The following FBXL13 variants were observed in gnomAD, a reference collection of about 807,000 sequenced individuals.
The protein encoded by FBXL13 is F-box and leucine-rich repeat protein 13.
FBXL13 carries 67 observed loss-of-function variants against 83.6 expected under a neutral mutation model. The observed-to-expected ratio is 0.80, with a 90% CI of 0.66 to 0.98. FBXL13 has a LOEUF of 0.98. FBXL13 is among the 50% of genes least tolerant of loss of function. The pLI is 0.00. For missense variants in FBXL13, 822 were observed against 866.5 expected, an observed-to-expected ratio of 0.95 and a Z score of 0.64; for synonymous variants, 272 against 299.5, an observed-to-expected ratio of 0.91 and a Z score of 0.95.
intron 11 of FBXL13, among the ~76,000 whole-genome samples, chr7:102,905,649 C>T (rs570886373): frequency 2.6e-5 from 4 of 152,154 alleles, no homozygotes; most frequent in Admixed American, 6.5e-5. Context: ...CTTATTCCTG[C>T]TATTTTGTTA....
intron 8 of FBXL13, chr7:102,939,498 A>T: frequency 6.2e-7 from 1 of 1,614,076 alleles, no homozygotes; most frequent in Non-Finnish European, 8.5e-7. Context: ...CAATAAAATC[A>T]ACCAACTTCG....
chr7:102,894,128 T>C (rs1348170844), intron 11 of FBXL13, among the ~76,000 whole-genome samples: 1 of 152,200 alleles, frequency 6.6e-6, no homozygotes, highest in Non-Finnish European at 1.5e-5. Context: ...CCTGTGTGGC[T>C]TTCTCCAACC....
At position 102,973,976 on chromosome 7, in the gene FBXL13, C is replaced by T. The variant is rs75981625; in HGVS notation, c.496-5859G>A. ...CAGCGGTGACGATCGCTCCTTTCAT[C>T]GTCTCCCTCCACCATCCAGGATGGT... On this transcript the variant is annotated intron_variant, in intron 6 of 19. Transcript: ENST00000313221. Among the ~76,000 whole-genome samples the T allele has an allele frequency of 2.0e-3, 298 of 152,298 alleles. 8 individuals are homozygous for T. The East Asian group carries it at 0.043, about 22-fold the overall frequency.
At chr7:103,022,513 A>C (rs1258491930) in intron 6 of FBXL13, among the ~76,000 whole-genome samples, 1 of 152,182 alleles carries the variant, frequency 6.6e-6, no homozygotes, top group African/African-American at 2.4e-5. Context: ...AATGGAACAG[A>C]ATAAAGAGCC....
rs189318846 is a variant in FBXL13 at position 103,032,802 on chromosome 7, G to A, written c.1-3384C>T. 1.4e-3 allele frequency among the ~76,000 whole-genome samples: 212 copies of A among 152,324 alleles called. 1 individual carries two copies. The highest frequency in any genetic ancestry group is 1.1e-3 in the Non-Finnish European group (77 of 68,024). On this transcript the variant is annotated intron_variant, in intron 2 of 19. Transcript: ENST00000313221. Reference sequence around the variant, plus strand: ...CCCAAAACGTTGGATGGCTGAGGTGGGAGGATCCCTCGAGCTCACGACTTA... The same window carrying A: ...CCCAAAACGTTGGATGGCTGAGGTGAGAGGATCCCTCGAGCTCACGACTTA...
intron 1 of FBXL13, among the ~76,000 whole-genome samples, chr7:103,060,020 T>TTATATATATATATATA (rs772728840): frequency 2.0e-4 from 10 of 50,074 alleles, no homozygotes; most frequent in East Asian, 1.2e-3. Flanking sequence ...GCAAGATATT[T>TTATATATATATATATA]TATATATATA....
At chr7:102,981,587 G>A (rs756094175) in intron 6 of FBXL13, among the ~76,000 whole-genome samples, 14 of 152,162 alleles carry the variant, frequency 9.2e-5, no homozygotes, top group Non-Finnish European at 2.1e-4. Context: ...TAAACAAGAG[G>A]ATTTTATTTC....
intron 2 of FBXL13, chr7:103,031,115 C>T (rs1278397589): frequency 1.3e-5 from 2 of 152,168 alleles, no homozygotes; most frequent in Admixed American, 6.5e-5. Flanking sequence ...AGGACTCCAG[C>T]CCAGTAATGC....
intron 6 of FBXL13, among the ~76,000 whole-genome samples, chr7:102,995,342 G>A (rs1387919256): frequency 6.6e-6 from 1 of 151,748 alleles, no homozygotes; most frequent in Non-Finnish European, 1.5e-5. Context: ...TTAGCTGGGC[G>A]TGGTGGTGGG....
At chr7:103,070,253 A>G (rs560792280) in intron 1 of FBXL13, among the ~76,000 whole-genome samples, 1 of 152,096 alleles carries the variant, frequency 6.6e-6, no homozygotes, top group South Asian at 2.1e-4. Flanking sequence ...TTTTTTAGAG[A>G]CACAGTCTCA....
chr7:102,925,366 G>C (rs1280917361), intron 10 of FBXL13, among the ~76,000 whole-genome samples: 1 of 152,220 alleles, frequency 6.6e-6, no homozygotes, highest in Non-Finnish European at 1.5e-5. Flanking sequence ...TTGCATTGCA[G>C]CCTGGGTGAC....
At chr7:102,836,784 A>G (rs896011717) in intron 17 of FBXL13, among the ~76,000 whole-genome samples, 5 of 151,878 alleles carry the variant, frequency 3.3e-5, no homozygotes, top group African/African-American at 7.2e-5. Context: ...TTTCACTCAC[A>G]TTTATTGACT....
intron 6 of FBXL13, among the ~76,000 whole-genome samples, chr7:102,990,476 C>T (rs559604955): frequency 2.6e-5 from 4 of 152,208 alleles, no homozygotes; most frequent in South Asian, 4.1e-4. Flanking sequence ...ATTTTTCATT[C>T]GATCATTCAA....
chr7:102,852,342 A>T (rs138689994), intron 17 of FBXL13, among the ~76,000 whole-genome samples: 2 of 152,150 alleles, frequency 1.3e-5, no homozygotes, highest in Non-Finnish European at 2.9e-5. Context: ...ATTTGTACTT[A>T]ATTAAACTAA....
rs759062305 is a variant in FBXL13 at position 103,025,207 on chromosome 7, C to T, written c.351G>A (p.Leu117=). ...GTATTAACCTATTTTTCCATTTTTT[C>T]AATTGAAGTTCATGTTTTAATATCT... Residue 117 remains leucine (L), a synonymous_variant, in exon 6 of 20, where the codon TTG becomes TTA. Coordinates refer to ENST00000313221, the Ensembl canonical transcript of FBXL13. 1.1e-5 allele frequency: 18 copies of T among 1,579,914 alleles called. No individual in the cohort carries two copies. In the Admixed American group the frequency reaches 3.2e-4, roughly 28 times the overall value.
At chr7:103,025,682 CTG>C (rs1793817211) in intron 5 of FBXL13, among the ~76,000 whole-genome samples, 2 of 152,110 alleles carry the variant, frequency 1.3e-5, no homozygotes, top group Admixed American at 1.3e-4. Context: ...CTTCTGAAAA[CTG>C]TGTAATAAAT....
At chr7:103,073,540 A>G (rs1799246655) in intron 1 of FBXL13, among the ~76,000 whole-genome samples, 2 of 152,136 alleles carry the variant, frequency 1.3e-5, no homozygotes, top group Admixed American at 1.3e-4. Context: ...CTTAGTAGGT[A>G]CAGATATACT....
intron 2 of FBXL13, among the ~76,000 whole-genome samples, chr7:103,040,858 T>C (rs1795602630): frequency 6.6e-6 from 1 of 152,136 alleles, no homozygotes; most frequent in East Asian, 1.9e-4. Flanking sequence ...TAGCACTAAA[T>C]GCCCACAAGA....
chr7:103,048,552 A>T (rs1563270727), intron 2 of FBXL13, among the ~76,000 whole-genome samples: 1 of 152,104 alleles, frequency 6.6e-6, no homozygotes, highest in African/African-American at 2.4e-5. Flanking sequence ...TTTTAATAAA[A>T]CCTCACAGAC....
Sources: gnomAD v4.1 joint callset for allele counts (sites outside exome capture counted in the v4.1 genomes callset) on GRCh38, gnomAD v4.1.1 for gene constraint, MANE v1.5 for transcripts, NCBI Gene and HGNC (gene_info 2026-07-23, HGNC 2026-07-21) for gene names.